Variants in CCSER2 observed in about 807,000 individuals in gnomAD.
The protein encoded by CCSER2 is coiled-coil serine rich protein 2.
Under a neutral mutation model 92.3 loss-of-function variants are expected in CCSER2, and 46 were observed. That is an observed-to-expected ratio of 0.50 (90% CI 0.39 to 0.64). The LOEUF is 0.64. Among genes scored for constraint, CCSER2 ranks in the 30% least tolerant of loss-of-function variants. The pLI, the probability that CCSER2 is intolerant of heterozygous loss-of-function variation, is 0.00. For synonymous variants in CCSER2, 433 were observed against 431.4 expected (o/e 1.00, Z -0.04); for missense variants, 1,244 against 1,238.9 (o/e 1.00, Z -0.06).
At chr10:84,456,893 T>A (rs1367410713) in intron 6 of CCSER2, among the ~76,000 whole-genome samples, 1 of 152,004 alleles carries the variant, frequency 6.6e-6, no homozygotes, top group East Asian at 1.9e-4. Flanking sequence ...TTTGGTGAAG[T>A]GTCTTTTTTG....
intron 9 of CCSER2, among the ~76,000 whole-genome samples, chr10:84,486,379 A>G (rs1251041209): frequency 2.6e-5 from 4 of 152,118 alleles, no homozygotes; most frequent in South Asian, 2.1e-4. Context: ...AAGTGTTCCT[A>G]TTTCTCCACA....
At chr10:84,401,093 A>T (rs1054907204) in intron 3 of CCSER2, among the ~76,000 whole-genome samples, 4 of 152,162 alleles carry the variant, frequency 2.6e-5, no homozygotes, top group African/African-American at 4.8e-5. Flanking sequence ...AGTGATGAAT[A>T]CTTGCATTAG....
At chr10:84,337,237 A>G (rs998060487) in intron 1 of CCSER2, among the ~76,000 whole-genome samples, 5 of 152,216 alleles carry the variant, frequency 3.3e-5, no homozygotes, top group African/African-American at 9.6e-5. Flanking sequence ...AAGTCCCACA[A>G]GTTAGCCTTG....
intron 3 of CCSER2, among the ~76,000 whole-genome samples, chr10:84,381,646 G>A (rs1357350140): frequency 1.3e-5 from 2 of 151,956 alleles, no homozygotes; most frequent in Non-Finnish European, 2.9e-5. Flanking sequence ...ATCCACGGTG[G>A]GCCGGGCGCG....
intron 1 of CCSER2, among the ~76,000 whole-genome samples, chr10:84,352,228 C>G (rs1455113982): frequency 1.3e-5 from 2 of 152,114 alleles, no homozygotes; most frequent in African/African-American, 4.8e-5. Flanking sequence ...TGCTTGAACT[C>G]AGGAGGCGGA....
chr10:84,492,410 A>T (rs576310813), intron 9 of CCSER2, among the ~76,000 whole-genome samples: 172 of 152,244 alleles, frequency 1.1e-3, no homozygotes, highest in Non-Finnish European at 2.1e-3. Flanking sequence ...CCATTATGTC[A>T]TCTGTAAATA....
intron 8 of CCSER2, among the ~76,000 whole-genome samples, chr10:84,472,264 G>A (rs532139435): frequency 6.2e-4 from 94 of 152,218 alleles, no homozygotes; most frequent in African/African-American, 2.2e-3. Context: ...GCACGATAAG[G>A]CTGAACATAA....
At chr10:84,497,484 T>C (rs919339078) in intron 9 of CCSER2, among the ~76,000 whole-genome samples, 53 of 152,244 alleles carry the variant, frequency 3.5e-4, no homozygotes, top group African/African-American at 1.3e-3. Context: ...GAGATTATGA[T>C]TTGTTGGTCT....
intron 1 of CCSER2, among the ~76,000 whole-genome samples, chr10:84,342,672 C>G (rs908031602): frequency 6.6e-6 from 1 of 152,178 alleles, no homozygotes; most frequent in Non-Finnish European, 1.5e-5. Flanking sequence ...ACATTCTGTT[C>G]CAAACACACT....
chr10:84,501,822 GAAA>G (rs11461623), intron 9 of CCSER2, among the ~76,000 whole-genome samples: 5 of 29,034 alleles, frequency 1.7e-4, no homozygotes, highest in East Asian at 2.4e-3. Flanking sequence ...GTCATCTAGG[GAAA>G]AAAAAAAAAA....
At chr10:84,474,269 A>G (rs770376348) in intron 8 of CCSER2, among the ~76,000 whole-genome samples, 4 of 152,176 alleles carry the variant, frequency 2.6e-5, no homozygotes, top group Admixed American at 6.5e-5. Flanking sequence ...AAAAACCAAG[A>G]CAGACCTGAG....
At chr10:84,353,209 C>T (rs138623463) in intron 1 of CCSER2, among the ~76,000 whole-genome samples, 6 of 152,240 alleles carry the variant, frequency 3.9e-5, no homozygotes, top group East Asian at 1.9e-4. Flanking sequence ...TCAGCAGGGA[C>T]GGTTAAGCCT....
At position 84,401,693 on chromosome 10, in the gene CCSER2, G is replaced by T. The variant is rs191156849; in HGVS notation, c.1615-16078G>T. On this transcript the variant is annotated intron_variant, in intron 3 of 9. Coordinates refer to ENST00000372088, the MANE Select transcript of CCSER2 (RefSeq NM_001284240.2). ...ATCCCCAATTTATTTTACAAATCCAGCAATAACCTCACACTAAAACCAGAC... is the reference window on the plus strand; with the variant it reads ...ATCCCCAATTTATTTTACAAATCCATCAATAACCTCACACTAAAACCAGAC... 2.6e-5 allele frequency among the ~76,000 whole-genome samples: 4 copies of T among 152,274 alleles called. No homozygotes were observed. In the South Asian group the frequency reaches 6.2e-4, roughly 24 times the overall value.
intron 1 of CCSER2, among the ~76,000 whole-genome samples, chr10:84,347,402 G>A (rs1186359836): frequency 6.8e-6 from 1 of 148,054 alleles, no homozygotes; most frequent in Non-Finnish European, 1.5e-5. Context: ...TGGCCGGGGA[G>A]GGGGGGTGCT....
intron 1 of CCSER2, among the ~76,000 whole-genome samples, chr10:84,333,814 T>C (rs1471437886): frequency 1.3e-5 from 2 of 152,170 alleles, no homozygotes; most frequent in Non-Finnish European, 2.9e-5. Context: ...TTGAGTGGGG[T>C]AATGACAGAT....
intron 5 of CCSER2, among the ~76,000 whole-genome samples, chr10:84,433,844 C>T (rs979554166): frequency 4.6e-5 from 7 of 152,038 alleles, no homozygotes; most frequent in Non-Finnish European, 8.8e-5. Flanking sequence ...AGACAGTGGG[C>T]TTTCATTCTC....
intron 1 of CCSER2, among the ~76,000 whole-genome samples, chr10:84,335,227 TC>T (rs78993710): frequency 0.092 from 8,272 of 89,732 alleles, 847 homozygotes; most frequent in Admixed American, 0.11. Flanking sequence ...TCTCTCTCTC[TC>T]TTTTTTTTTT....
intron 1 of CCSER2, among the ~76,000 whole-genome samples, chr10:84,333,984 A>G (rs1002075839): frequency 6.6e-6 from 1 of 152,266 alleles, no homozygotes; most frequent in South Asian, 2.1e-4. Flanking sequence ...GAAATAATAC[A>G]GAAAGGTCAA....
At chr10:84,329,978 C>G (rs1437648252) in intron 1 of CCSER2, among the ~76,000 whole-genome samples, 1 of 152,204 alleles carries the variant, frequency 6.6e-6, no homozygotes, top group South Asian at 2.1e-4. Context: ...TTCATACTGT[C>G]GTACTTCAGC....
Sources: allele counts gnomAD v4.1 joint callset (sites outside exome capture counted in the v4.1 genomes callset), GRCh38; gene constraint gnomAD v4.1.1; transcripts MANE v1.5; gene names NCBI Gene and HGNC (gene_info 2026-07-23, HGNC 2026-07-21).